The following SRGAP2C variants were observed in gnomAD, a reference collection of about 807,000 sequenced individuals.
SRGAP2C encodes SLIT-ROBO Rho GTPase activating protein 2C.
SRGAP2C carries 15 observed loss-of-function variants against 25.1 expected under a neutral mutation model. The ratio of observed to expected loss-of-function variants is 0.60; its 90% CI spans 0.40 to 0.92. SRGAP2C has a LOEUF of 0.92. Ranked by LOEUF, SRGAP2C falls within the 40% of genes least tolerant of loss-of-function variation. The pLI is 0.00. For synonymous variants in SRGAP2C, 44 were observed against 96.6 expected, an observed-to-expected ratio of 0.46 and a Z score of 3.19; for missense variants, 144 against 264.4, an observed-to-expected ratio of 0.54 and a Z score of 3.16.
At chr1:121,328,906 CAAA>C (rs1191346242) in intron 4 of SRGAP2C, among the ~76,000 whole-genome samples, 18 of 119,474 alleles carry the variant, frequency 1.5e-4, no homozygotes, top group African/African-American at 4.0e-4. Flanking sequence ...AAAAAAAAAA[CAAA>C]AAACAAAAAA....
chr1:121,263,397 C>T (rs1216941063), intron 2 of SRGAP2C, among the ~76,000 whole-genome samples: 1 of 137,070 alleles, frequency 7.3e-6, no homozygotes, highest in Non-Finnish European at 1.5e-5. Flanking sequence ...CACCACTGCA[C>T]TCCAGCCTGG....
At chr1:121,309,423 T>TA (rs1290217830) in intron 3 of SRGAP2C, among the ~76,000 whole-genome samples, 1 of 94,806 alleles carries the variant, frequency 1.1e-5, no homozygotes, top group Admixed American at 1.1e-4. Flanking sequence ...ACTGAATCAT[T>TA]CCTTTTTTTT....
At chr1:121,336,593 G>A (rs1658520766) in intron 4 of SRGAP2C, among the ~76,000 whole-genome samples, 1 of 86,496 alleles carries the variant, frequency 1.2e-5, no homozygotes, top group Non-Finnish European at 2.5e-5. Context: ...AGATGTATAT[G>A]TTATAGAAAA....
chr1:121,258,579 C>T (rs1656537102), intron 2 of SRGAP2C, among the ~76,000 whole-genome samples: 1 of 151,332 alleles, frequency 6.6e-6, no homozygotes, highest in African/African-American at 2.4e-5. Flanking sequence ...GATTCTCCTG[C>T]ATCAGCCTCC....
chr1:121,351,588 C>T (rs1402890495), intron 4 of SRGAP2C, among the ~76,000 whole-genome samples: 6 of 136,736 alleles, frequency 4.4e-5, no homozygotes, highest in East Asian at 2.1e-4. Flanking sequence ...CCAGCCTGGG[C>T]GACAGAGCGA....
intron 4 of SRGAP2C, among the ~76,000 whole-genome samples, chr1:121,350,376 A>G (rs1658870320): frequency 1.5e-5 from 2 of 136,580 alleles, no homozygotes; most frequent in Admixed American, 7.5e-5. Flanking sequence ...TAGACCTAAT[A>G]TATCTCTCAT....
chr1:121,207,948 G>T (rs1655156795), intron 2 of SRGAP2C, among the ~76,000 whole-genome samples: 1 of 152,094 alleles, frequency 6.6e-6, no homozygotes, highest in East Asian at 1.9e-4. Flanking sequence ...CTCAGCTGGA[G>T]GTCAGAGGCT....
chr1:121,314,483 T>C (rs1419280373), intron 3 of SRGAP2C, among the ~76,000 whole-genome samples: 2 of 152,200 alleles, frequency 1.3e-5, no homozygotes, highest in African/African-American at 4.8e-5. Context: ...CTGCGTTCCT[T>C]TGGAGGAGGA....
intron 3 of SRGAP2C, among the ~76,000 whole-genome samples, chr1:121,293,266 G>C (rs1657525248): frequency 8.5e-6 from 1 of 117,776 alleles, no homozygotes; most frequent in Middle Eastern, 3.7e-3. Context: ...AAATGTGATA[G>C]TGAAATAAAC....
At chr1:121,340,379 A>G (rs1269637952) in intron 4 of SRGAP2C, among the ~76,000 whole-genome samples, 1 of 151,958 alleles carries the variant, frequency 6.6e-6, no homozygotes, top group African/African-American at 2.4e-5. Flanking sequence ...CTGAAGGAAA[A>G]AAAAAAGTAT....
chr1:121,201,584 C>T lies in SRGAP2C; in HGVS notation c.67+14071C>T, dbSNP rs1358461865. On this transcript the variant is annotated intron_variant, in intron 2 of 9. Coordinates refer to ENST00000367123, the MANE Select transcript of SRGAP2C (RefSeq NM_001329984.2). ...AAAGGCATATGCACACTTAGGCATG[C>T]GCGTGTGCGCGCACGCACACAAACA... Among the ~76,000 whole-genome samples, 23 of 152,376 alleles carry T rather than the reference C, an allele frequency of 1.5e-4. No individual in the cohort carries two copies. In the South Asian group the frequency reaches 1.9e-3, roughly 12 times the overall value.
chr1:121,222,428 A>C (rs1553325815), intron 2 of SRGAP2C, among the ~76,000 whole-genome samples: 2 of 152,116 alleles, frequency 1.3e-5, no homozygotes, highest in African/African-American at 4.8e-5. Flanking sequence ...CAGGAGATCG[A>C]GAGCAGCCTG....
At chr1:121,226,019 T>C (rs1446076547) in intron 2 of SRGAP2C, among the ~76,000 whole-genome samples, 2 of 151,936 alleles carry the variant, frequency 1.3e-5, no homozygotes, top group African/African-American at 4.8e-5. Context: ...AGCATATCTT[T>C]AATTAGAACC....
rs1348885666 is a variant in SRGAP2C at position 121,244,333 on chromosome 1, T to C, written c.68-40470T>C. On this transcript the variant is annotated intron_variant, in intron 2 of 9. Transcript: ENST00000367123. The stretch of plus-strand genomic sequence containing the variant: ...AAAAAAATAAATGTATGAATGGGAT[T>C]TCAGTGAACAGGGTTTTATCGTGGG... 1.6e-4 allele frequency among the ~76,000 whole-genome samples: 18 copies of C among 113,342 alleles called. 1 individual carries two copies. Among genetic ancestry groups the C allele is most frequent in the Non-Finnish European group, 2.9e-4 (16 of 55,130 alleles). The allele number at this position is 113,342 out of a possible 152,430, so 74.4% of individuals were successfully genotyped here.
intron 5 of SRGAP2C, among the ~76,000 whole-genome samples, chr1:121,367,971 G>T (rs1305833548): frequency 9.2e-6 from 1 of 108,912 alleles, no homozygotes; most frequent in Admixed American, 9.4e-5. Flanking sequence ...AGCTACTGGG[G>T]AGGCTGAGGC....
intron 3 of SRGAP2C, among the ~76,000 whole-genome samples, chr1:121,286,184 G>A (rs1293900485): frequency 4.0e-5 from 6 of 148,882 alleles, no homozygotes; most frequent in Middle Eastern, 3.2e-3. Flanking sequence ...ACACACTGGC[G>A]ATCAGAGAAT....
intron 2 of SRGAP2C, among the ~76,000 whole-genome samples, chr1:121,275,737 A>G (rs1657093706): frequency 6.8e-6 from 1 of 148,076 alleles, no homozygotes; most frequent in South Asian, 2.2e-4. Context: ...GTCTTTTGGA[A>G]ACTTGTAGGG....
intron 3 of SRGAP2C, among the ~76,000 whole-genome samples, chr1:121,295,734 TTTG>T (rs1217576526): frequency 0.062 from 9,304 of 149,870 alleles, 606 homozygotes; most frequent in African/African-American, 0.17. Context: ...CTTTTTTGTT[TTTG>T]TTGTTGTTGT....
chr1:121,188,327 G>A (rs1432076039), intron 2 of SRGAP2C, among the ~76,000 whole-genome samples: 3 of 152,242 alleles, frequency 2.0e-5, no homozygotes, highest in East Asian at 3.8e-4. Context: ...GAGAAACCAA[G>A]GACCTGTCTT....
Sources: allele counts gnomAD v4.1 joint callset (sites outside exome capture counted in the v4.1 genomes callset), GRCh38; gene constraint gnomAD v4.1.1; transcripts MANE v1.5; gene names NCBI Gene and HGNC (gene_info 2026-07-23, HGNC 2026-07-21).